ZNF536: variants seen among roughly 807,000 people sequenced by gnomAD.
ZNF536 encodes the protein zinc finger protein 536.
In ZNF536, 13 loss-of-function variants were observed where a neutral mutation model predicts 84.5. The observed-to-expected ratio is 0.15, with a 90% confidence interval of 0.10 to 0.24. The LOEUF (loss-of-function observed/expected upper bound fraction) is 0.24. Among genes scored for constraint, ZNF536 ranks in the 10% least tolerant of loss-of-function variants. ZNF536 has a pLI of 1.00. For missense variants in ZNF536, 1,536 were observed against 1,747.5 expected, an observed-to-expected ratio of 0.88 and a Z score of 2.16; for synonymous variants, 811 against 742.5, an observed-to-expected ratio of 1.09 and a Z score of -1.50.
chr19:30,488,791 C>T (rs2054393971), intron 2 of ZNF536, among the ~76,000 whole-genome samples: 4 of 152,286 alleles, frequency 2.6e-5, no homozygotes, highest in Admixed American at 6.5e-5. Flanking sequence ...AGATAAGTGG[C>T]CAAGGCTTCA....
At chr19:30,527,360 CA>C (rs1231874463) in intron 2 of ZNF536, among the ~76,000 whole-genome samples, 1 of 150,838 alleles carries the variant, frequency 6.6e-6, no homozygotes, top group African/African-American at 2.4e-5. Context: ...TGAGACATGG[CA>C]ACATGGAAAA....
At chr19:30,468,346 A>G (rs1286462233) in intron 2 of ZNF536, among the ~76,000 whole-genome samples, 1 of 151,960 alleles carries the variant, frequency 6.6e-6, no homozygotes. Flanking sequence ...GTGAGGATGG[A>G]ATGAGGAAGG....
At chr19:30,239,144 C>G (rs747758982) in intron 1 of ZNF536, among the ~76,000 whole-genome samples, 4 of 152,148 alleles carry the variant, frequency 2.6e-5, no homozygotes, top group Non-Finnish European at 5.9e-5. Context: ...AGGGAATGCC[C>G]TAGTGATGCT....
chr19:30,531,924 C>T (rs1047397725), intron 2 of ZNF536, among the ~76,000 whole-genome samples: 3 of 152,026 alleles, frequency 2.0e-5, no homozygotes, highest in African/African-American at 7.2e-5. Flanking sequence ...CACACCTGGC[C>T]TCCAGTGTCT....
rs149555505 is a variant in ZNF536 at position 30,621,709 on chromosome 19, C to T, written c.169+72195C>T. Among the ~76,000 whole-genome samples, 871 of 152,312 alleles carry T rather than the reference C, an allele frequency of 5.7e-3. 3 individuals are homozygous for T. Among genetic ancestry groups the T allele is most frequent in the South Asian group, 0.023 (109 of 4,818 alleles). On this transcript the variant is annotated intron_variant, in intron 1 of 1. Coordinates refer to the ZNF536 transcript ENST00000592773. Reference sequence around the variant, plus strand: ...GGGTGAGGAGCAGCCGGGTGGGAGCCGGTGTCCCACAGGCTGGGTGGATGC... The same window carrying T: ...GGGTGAGGAGCAGCCGGGTGGGAGCTGGTGTCCCACAGGCTGGGTGGATGC...
downstream of ZNF536, among the ~76,000 whole-genome samples, chr19:30,559,147 G>T (rs1181126458): frequency 6.6e-6 from 1 of 152,208 alleles, no homozygotes. Context: ...CACGATAAAA[G>T]CTTCAAAGAG....
At chr19:30,287,279 ATGGATGGC>A (rs1465749275) in intron 2 of ZNF536, among the ~76,000 whole-genome samples, 2 of 135,250 alleles carry the variant, frequency 1.5e-5, no homozygotes, top group East Asian at 5.2e-4. Context: ...GGATTGATGA[ATGGATGGC>A]TGGATGGATG....
intron 1 of ZNF536, among the ~76,000 whole-genome samples, chr19:30,281,624 C>T (rs1239441612): frequency 6.6e-6 from 1 of 152,216 alleles, no homozygotes; most frequent in Non-Finnish European, 1.5e-5. Context: ...GCCTCCTAAG[C>T]TCATCCATGT....
At chr19:30,465,819 C>T (rs1033233806) in intron 2 of ZNF536, among the ~76,000 whole-genome samples, 14 of 151,974 alleles carry the variant, frequency 9.2e-5, no homozygotes, top group African/African-American at 1.9e-4. Context: ...GGTGCGATCT[C>T]GGCTCACTGC....
intron 2 of ZNF536, among the ~76,000 whole-genome samples, chr19:30,495,912 T>A (rs2054700598): frequency 6.6e-6 from 1 of 152,158 alleles, no homozygotes; most frequent in East Asian, 1.9e-4. Context: ...GGGCAGTGGA[T>A]CTTATCTTTG....
At chr19:30,358,827 C>A (rs953058573) in intron 3 of ZNF536, among the ~76,000 whole-genome samples, 3 of 152,182 alleles carry the variant, frequency 2.0e-5, no homozygotes, top group African/African-American at 7.2e-5. Flanking sequence ...CAAAGACAAT[C>A]AAGGCTGAAG....
At chr19:30,615,681 G>C (rs765495270) in intron 1 of ZNF536, among the ~76,000 whole-genome samples, 1 of 151,874 alleles carries the variant, frequency 6.6e-6, no homozygotes, top group Non-Finnish European at 1.5e-5. Context: ...GGCAGGGGGA[G>C]GAGAAGGTAA....
At chr19:30,566,094 G>A (rs1334179811) in intron 1 of ZNF536, among the ~76,000 whole-genome samples, 1 of 152,154 alleles carries the variant, frequency 6.6e-6, no homozygotes, top group African/African-American at 2.4e-5. Flanking sequence ...TCACTTTCAG[G>A]GCAACTATGT....
intron 1 of ZNF536, among the ~76,000 whole-genome samples, chr19:30,388,863 G>A (rs1240010725): frequency 6.6e-6 from 1 of 152,102 alleles, no homozygotes; most frequent in African/African-American, 2.4e-5. Context: ...TCATGTGCTG[G>A]GCCCTTCTAC....
At chr19:30,516,337 C>T (rs77837267) in intron 2 of ZNF536, among the ~76,000 whole-genome samples, 1,788 of 152,296 alleles carry the variant, frequency 0.012, 30 homozygotes, top group African/African-American at 0.041. Context: ...TGTGTCTCCA[C>T]GGCACTGAAC....
At chr19:30,319,361 T>C (rs540534894) in intron 2 of ZNF536, among the ~76,000 whole-genome samples, 1 of 152,260 alleles carries the variant, frequency 6.6e-6, no homozygotes, top group South Asian at 2.1e-4. Context: ...AGGCTCAGAC[T>C]GATGTTTTTT....
intron 1 of ZNF536, among the ~76,000 whole-genome samples, chr19:30,427,859 C>T (rs1420073818): frequency 3.9e-5 from 6 of 152,044 alleles, no homozygotes; most frequent in South Asian, 4.2e-4. Context: ...TGACATGAGA[C>T]GATGGAGGAA....
intron 1 of ZNF536, among the ~76,000 whole-genome samples, chr19:30,280,341 C>T (rs1568300136): frequency 6.6e-6 from 1 of 152,084 alleles, no homozygotes. Context: ...TATCTTTCCT[C>T]CATCCTTCCA....
intron 2 of ZNF536, among the ~76,000 whole-genome samples, chr19:30,528,879 A>C (rs2044692945): frequency 6.6e-6 from 1 of 151,518 alleles, no homozygotes; most frequent in African/African-American, 2.4e-5. Flanking sequence ...CAACATCAGT[A>C]TCTTCTTTGG....
Sources: allele counts gnomAD v4.1 joint callset (sites outside exome capture counted in the v4.1 genomes callset), GRCh38; gene constraint gnomAD v4.1.1; transcripts MANE v1.5; gene names NCBI Gene and HGNC (gene_info 2026-07-23, HGNC 2026-07-21).